PDE11A: variants seen among roughly 807,000 people sequenced by gnomAD.
The protein encoded by PDE11A is dual 3',5'-cyclic-AMP and -GMP phosphodiesterase 11A.
In PDE11A, 100 loss-of-function variants were observed where a neutral mutation model predicts 100.5. That is an observed-to-expected ratio of 1.00 (90% confidence interval 0.85 to 1.18). PDE11A has a LOEUF of 1.18. PDE11A is among the 50% of genes most tolerant of loss of function. PDE11A has a pLI of 0.00. For missense variants in PDE11A, 1,141 were observed against 1,152.6 expected, an observed-to-expected ratio of 0.99 and a Z score of 0.15; for synonymous variants, 381 against 420.8, an observed-to-expected ratio of 0.91 and a Z score of 1.16.
chr2:177,727,384 T>C (rs1373483908), intron 12 of PDE11A, among the ~76,000 whole-genome samples: 2 of 152,160 alleles, frequency 1.3e-5, no homozygotes, highest in Non-Finnish European at 2.9e-5. Flanking sequence ...AATCTGAGCA[T>C]TTCTTTTGTA....
intron 2 of PDE11A, among the ~76,000 whole-genome samples, chr2:177,996,985 C>T (rs975366678): frequency 2.0e-5 from 3 of 152,172 alleles, no homozygotes; most frequent in Non-Finnish European, 2.9e-5. Flanking sequence ...ATATTGCAGA[C>T]GAAGCATCCA....
At position 177,629,184 on chromosome 2, in the gene PDE11A, G is replaced by C; in HGVS notation, c.*223C>G. ...GCCCATGCGTGTTCATTAGGGAAAA[G>C]TGAGGGTCCTGGGGTGTGCTCCCTG... On this transcript the variant is annotated 3_prime_UTR_variant, in exon 20 of 20. Coordinates refer to ENST00000286063, the MANE Select transcript of PDE11A (RefSeq NM_016953.4). The C allele has an allele frequency of 1.7e-6, 1 of 577,340 alleles. No individual in the cohort carries two copies. The highest frequency in any genetic ancestry group is 3.1e-6 in the Non-Finnish European group (1 of 322,654). 35.8% of individuals were successfully genotyped at this position (577,340 alleles called of 1,614,324 possible).
chr2:178,018,232 G>A, intron 1 of PDE11A: 1 of 407,224 alleles, frequency 2.5e-6, no homozygotes. Context: ...GCTTCCAGCT[G>A]CTGCTTTGAA....
chr2:177,727,804 G>A (rs1164538137), intron 11 of PDE11A, 39 bp from the exon 12 acceptor site: 2 of 1,209,514 alleles, frequency 1.7e-6, no homozygotes, highest in South Asian at 2.4e-5. Flanking sequence ...GCAGTTGTAA[G>A]TGATTCTAGT....
At chr2:178,008,220 A>C (rs1303155756) in intron 2 of PDE11A, among the ~76,000 whole-genome samples, 1 of 152,208 alleles carries the variant, frequency 6.6e-6, no homozygotes, top group Non-Finnish European at 1.5e-5. Flanking sequence ...CTATTCATGT[A>C]CATAACAATA....
intron 1 of PDE11A, chr2:178,018,182 TCCACTGGAC>T (rs2086362996): frequency 3.0e-6 from 1 of 338,096 alleles, no homozygotes; most frequent in Admixed American, 3.8e-5. Flanking sequence ...GCTGCGTCTG[TCCACTGGAC>T]TGGTGACGGG....
chr2:177,818,291 G>C (rs1021147854), intron 7 of PDE11A, among the ~76,000 whole-genome samples: 1 of 126,364 alleles, frequency 7.9e-6, no homozygotes, highest in Non-Finnish European at 1.6e-5. Context: ...TATTTCAACT[G>C]AAAATATATA....
chr2:178,053,492 T>C (rs1386503531), intron 1 of PDE11A, among the ~76,000 whole-genome samples: 7 of 152,122 alleles, frequency 4.6e-5, no homozygotes, highest in East Asian at 1.9e-4. Context: ...CTATTCAACA[T>C]AGTGTTGGAA....
chr2:177,864,807 C>T (rs1235222156), intron 5 of PDE11A, among the ~76,000 whole-genome samples: 1 of 152,092 alleles, frequency 6.6e-6, no homozygotes, highest in East Asian at 1.9e-4. Flanking sequence ...TTATTATATG[C>T]TTGTTTTGTA....
In PDE11A at chr2:177,628,843, T is replaced by C. The variant is rs1242639802; in HGVS notation, c.*564A>G. On this transcript the variant is annotated 3_prime_UTR_variant, in exon 20 of 20. Coordinates refer to ENST00000286063, the MANE Select transcript of PDE11A (RefSeq NM_016953.4). ...GAGAACTGGGATTGATCAGTATTTATAAGGATAGTATAGTTTACCTTTTAG... is the reference window on the plus strand; with the variant it reads ...GAGAACTGGGATTGATCAGTATTTACAAGGATAGTATAGTTTACCTTTTAG... The C allele has an allele frequency of 6.1e-6, 1 of 163,096 alleles. No homozygotes were observed. The highest frequency in any genetic ancestry group is 1.3e-5 in the Non-Finnish European group (1 of 74,098). The allele number at this position is 163,096 out of a possible 1,614,324, so 10.1% of individuals were successfully genotyped here.
At chr2:177,737,326 C>T (rs192023385) in intron 10 of PDE11A, among the ~76,000 whole-genome samples, 1 of 151,664 alleles carries the variant, frequency 6.6e-6, no homozygotes, top group Non-Finnish European at 1.5e-5. Context: ...CACCTGTAAT[C>T]TCAGCACTTT....
intron 2 of PDE11A, among the ~76,000 whole-genome samples, chr2:177,958,404 T>C (rs10195518): frequency 0.038 from 5,724 of 152,306 alleles, 371 homozygotes; most frequent in African/African-American, 0.13. Context: ...TGTGCAATTT[T>C]ATTTAACTGT....
chr2:177,775,610 C>T (rs1435743465), intron 9 of PDE11A, among the ~76,000 whole-genome samples: 1 of 152,136 alleles, frequency 6.6e-6, no homozygotes, highest in Non-Finnish European at 1.5e-5. Flanking sequence ...CTTCGTGCTG[C>T]CTGTGCTCTG....
chr2:177,951,032 G>T (rs925030006), intron 2 of PDE11A, among the ~76,000 whole-genome samples: 3 of 152,170 alleles, frequency 2.0e-5, no homozygotes, highest in African/African-American at 7.2e-5. Flanking sequence ...ATTGATATAT[G>T]CAAACACAAC....
intron 1 of PDE11A, among the ~76,000 whole-genome samples, chr2:178,015,977 C>A (rs1490129731): frequency 1.3e-5 from 2 of 151,866 alleles, no homozygotes; most frequent in Admixed American, 1.3e-4. Context: ...AGCACTGGTG[C>A]CTATGCTATG....
intron 2 of PDE11A, among the ~76,000 whole-genome samples, chr2:177,911,604 C>T (rs969115715): frequency 6.6e-6 from 1 of 152,108 alleles, no homozygotes; most frequent in South Asian, 2.1e-4. Context: ...TGTAATGGGG[C>T]CAGGCGCGGT....
At chr2:177,711,315 T>C (rs1010690950) in intron 13 of PDE11A, among the ~76,000 whole-genome samples, 3 of 152,238 alleles carry the variant, frequency 2.0e-5, no homozygotes, top group African/African-American at 7.2e-5. Context: ...TATTTTACTA[T>C]AGTTTATATA....
chr2:177,957,762 A>G (rs894804713), intron 2 of PDE11A, among the ~76,000 whole-genome samples: 1 of 152,206 alleles, frequency 6.6e-6, no homozygotes, highest in Non-Finnish European at 1.5e-5. Flanking sequence ...AGTAATAAGA[A>G]TAATAAACAA....
intron 2 of PDE11A, among the ~76,000 whole-genome samples, chr2:177,963,951 A>G (rs2085666442): frequency 6.6e-6 from 1 of 152,192 alleles, no homozygotes; most frequent in Non-Finnish European, 1.5e-5. Context: ...TGGATTCTGC[A>G]AGGGAGGCCC....
Sources: gnomAD v4.1 joint callset for allele counts (sites outside exome capture counted in the v4.1 genomes callset) on GRCh38, gnomAD v4.1.1 for gene constraint, MANE v1.5 for transcripts, NCBI Gene and HGNC (gene_info 2026-07-23, HGNC 2026-07-21) for gene names.